TMEM272: variants seen among roughly 807,000 people sequenced by gnomAD.
The protein encoded by TMEM272 is long intergenic non-protein coding RNA 282.
Under a neutral mutation model 3.7 loss-of-function variants are expected in TMEM272, and 8 were observed. The observed-to-expected ratio is 2.17, with a 90% CI of 1.27 to 3.91. The LOEUF (loss-of-function observed/expected upper bound fraction) is 3.91. Ranked by LOEUF, TMEM272 falls within the 30% of genes most tolerant of loss-of-function variation. The pLI is 0.00. For synonymous variants in TMEM272, 63 were observed against 39.8 expected, an observed-to-expected ratio of 1.58 and a Z score of -2.20; for missense variants, 166 against 91.5, an observed-to-expected ratio of 1.81 and a Z score of -3.32.
chr13:51,829,838 G>T (rs2139567937), intron 2 of TMEM272, among the ~76,000 whole-genome samples: 1 of 151,554 alleles, frequency 6.6e-6, no homozygotes, highest in East Asian at 1.9e-4. Flanking sequence ...AGGGTTATTT[G>T]GAGCTAAAGG....
At chr13:51,857,238 C>T in the TMEM272 span, among the ~76,000 whole-genome samples, 3 of 150,122 alleles carry the variant, frequency 2.0e-5, no homozygotes. Flanking sequence ...CACCTGTTAG[C>T]TGGCATTAAA....
chr13:51,828,551 C>G (rs1449361610), intron 2 of TMEM272, among the ~76,000 whole-genome samples: 1 of 152,200 alleles, frequency 6.6e-6, no homozygotes, highest in Non-Finnish European at 1.5e-5. Context: ...CACTCCTCCC[C>G]TCAGACCACC....
the TMEM272 span, chr13:51,866,076 C>T: frequency 2.5e-4 from 396 of 1,569,098 alleles, no homozygotes; most frequent in African/African-American, 4.8e-3. Flanking sequence ...CGAGGCAGGG[C>T]GTAGCCAGCA....
the TMEM272 span, among the ~76,000 whole-genome samples, chr13:51,888,839 G>T: frequency 6.6e-6 from 1 of 151,732 alleles, no homozygotes; most frequent in African/African-American, 2.4e-5. Context: ...TAGAGATGGG[G>T]TTTCACTATG....
the TMEM272 span, among the ~76,000 whole-genome samples, chr13:51,926,598 T>C: frequency 3.4e-5 from 4 of 118,060 alleles, no homozygotes; most frequent in African/African-American, 1.3e-4. Flanking sequence ...TTAAGGTCCC[T>C]TCATGGTTGG....
At chr13:51,893,667 A>G in the TMEM272 span, among the ~76,000 whole-genome samples, 2 of 152,226 alleles carry the variant, frequency 1.3e-5, no homozygotes, top group East Asian at 1.9e-4. Context: ...GATCAGCATC[A>G]GCTGAAGACT....
chr13:51,882,629 A>G, the TMEM272 span, among the ~76,000 whole-genome samples: 1 of 152,198 alleles, frequency 6.6e-6, no homozygotes, highest in Non-Finnish European at 1.5e-5. Context: ...AAAACCTGCC[A>G]AGAATATATT....
chr13:51,844,907 C>T (rs1956291666), intron 1 of TMEM272, 109 bp downstream of exon 1: 1 of 152,220 alleles, frequency 6.6e-6, no homozygotes, highest in Non-Finnish European at 1.5e-5. Flanking sequence ...CATTTTCTTT[C>T]CAGGAAGCAT....
At chr13:51,871,710 T>C in the TMEM272 span, among the ~76,000 whole-genome samples, 2 of 151,752 alleles carry the variant, frequency 1.3e-5, no homozygotes, top group East Asian at 1.9e-4. Flanking sequence ...AATTGTGAAA[T>C]AATAAATGTT....
the TMEM272 span, among the ~76,000 whole-genome samples, chr13:51,861,220 A>C: frequency 2.0e-5 from 3 of 152,192 alleles, no homozygotes; most frequent in Non-Finnish European, 4.4e-5. Flanking sequence ...GTGGACGGGA[A>C]GAGGGAAATC....
chr13:51,893,044 T>C, the TMEM272 span, among the ~76,000 whole-genome samples: 4 of 152,112 alleles, frequency 2.6e-5, no homozygotes, highest in African/African-American at 4.8e-5. Context: ...ACATCATACA[T>C]CCATCCTTCA....
At chr13:51,910,360 C>T in the TMEM272 span, 1 of 1,160,908 alleles carries the variant, frequency 8.6e-7, no homozygotes, top group Non-Finnish European at 1.3e-6. Context: ...CTACATTTTT[C>T]TTCAATTAGT....
the TMEM272 span, among the ~76,000 whole-genome samples, chr13:51,918,247 A>G: frequency 9.9e-5 from 15 of 152,252 alleles, no homozygotes; most frequent in Admixed American, 9.1e-4. Context: ...CCACCTCTGC[A>G]CCTTCAGCTG....
At chr13:51,903,558 A>T in the TMEM272 span, among the ~76,000 whole-genome samples, 2 of 151,768 alleles carry the variant, frequency 1.3e-5, no homozygotes, top group African/African-American at 2.4e-5. Flanking sequence ...TGCTCCCCCT[A>T]CTCTCCCCAG....
the TMEM272 span, among the ~76,000 whole-genome samples, chr13:51,899,920 G>C: frequency 6.6e-6 from 1 of 152,172 alleles, no homozygotes; most frequent in Non-Finnish European, 1.5e-5. Context: ...TTTTCAATAA[G>C]TGGTGCTGGG....
chr13:51,862,353 G>C, the TMEM272 span: 1 of 152,204 alleles, frequency 6.6e-6, no homozygotes, highest in Admixed American at 6.5e-5. Flanking sequence ...TGTATCTTTA[G>C]TGCATGTTTT....
At chr13:51,876,587 G>T in the TMEM272 span, among the ~76,000 whole-genome samples, 51,918 of 151,992 alleles carry the variant, frequency 0.34, 8,975 homozygotes, top group East Asian at 0.45. Flanking sequence ...ATTATTATGT[G>T]GTCTTATATC....
chr13:51,867,246 G>C, the TMEM272 span, among the ~76,000 whole-genome samples: 46 of 152,272 alleles, frequency 3.0e-4, no homozygotes, highest in African/African-American at 1.0e-3. Flanking sequence ...CAGGGAAGGT[G>C]CATAAACCCA....
chr13:51,921,905 T>C, the TMEM272 span, among the ~76,000 whole-genome samples: 1 of 152,058 alleles, frequency 6.6e-6, no homozygotes. Flanking sequence ...CCCCACCCAC[T>C]GTGTGCGTGT....
Sources: allele counts gnomAD v4.1 joint callset (sites outside exome capture counted in the v4.1 genomes callset), GRCh38; gene constraint gnomAD v4.1.1; transcripts MANE v1.5; gene names NCBI Gene and HGNC (gene_info 2026-07-23, HGNC 2026-07-21).